Variants in ZNF512B observed in about 807,000 individuals in gnomAD.
ZNF512B encodes the protein zinc finger protein 512B.
A neutral mutation model predicts 87.8 loss-of-function variants in ZNF512B; 22 were observed. That is an observed-to-expected ratio of 0.25 (90% CI 0.18 to 0.36). The LOEUF is 0.36. Ranked by LOEUF, ZNF512B falls within the 10% of genes least tolerant of loss-of-function variation. ZNF512B has a pLI of 1.00. For missense variants in ZNF512B, 1,060 were observed against 1,231.6 expected (o/e 0.86, Z 2.09); for synonymous variants, 524 against 490.9 (o/e 1.07, Z -0.89).
In ZNF512B at chr20:63,966,682, C is replaced by T. The variant is rs2058932128; in HGVS notation, c.493G>A (p.Asp165Asn). The change falls in exon 5 of 17, where the codon GAC (aspartate) becomes AAC (asparagine). Residue 165 changes from aspartate (D) to asparagine (N), a missense_variant. Asp to Asn is a conservative substitution (Grantham distance 23, BLOSUM62 1). Transcript: ENST00000369888. ...LEKHRIWNHM[D>N]RPLPASKPGP... ...GGCTTGGAGGCAGGCAGGGGTCGGT[C>T]CATGTGGTTCCAGATCCGGTGTTTC... 3.1e-6 allele frequency: 5 copies of T among 1,612,584 alleles called. No homozygotes were observed. Among genetic ancestry groups the T allele is most frequent in the Non-Finnish European group, 4.2e-6 (5 of 1,179,764 alleles).
chr20:63,962,211 C>A, intron 14 of ZNF512B, 62 bp downstream of exon 14: 1 of 1,512,002 alleles, frequency 6.6e-7, no homozygotes, highest in South Asian at 1.2e-5. Flanking sequence ...GCTCAGAGGG[C>A]CACACCCAGG....
intron 1 of ZNF512B, 35 bp from the exon 2 acceptor site, chr20:63,967,987 G>C (rs576440103): frequency 6.3e-7 from 1 of 1,582,166 alleles, no homozygotes; most frequent in Admixed American, 1.7e-5. Context: ...GAAGCCTGAC[G>C]GGCCCCACTT....
In ZNF512B at chr20:63,957,889, C is replaced by CCTCCGG. The variant is rs1273775382; in HGVS notation, c.*1993_*1998dup. 1 of 152,046 alleles carries CCTCCGG rather than the reference C, an allele frequency of 6.6e-6. No individual in the cohort carries two copies. The highest frequency in any genetic ancestry group is 1.5e-5 in the Non-Finnish European group (1 of 68,088). The allele number at this position is 152,046 out of a possible 1,614,324, so 9.4% of individuals were successfully genotyped here. Reference sequence around the variant, plus strand: ...AGCAGCTGCCAGACCCCACCCTCCACCTCCGGCTCCTCCAGCTCCACCAGT... The same window carrying CCTCCGG: ...AGCAGCTGCCAGACCCCACCCTCCACCTCCGGCTCCGGCTCCTCCAGCTCCACCAGT... On this transcript the variant is annotated 3_prime_UTR_variant, in exon 17 of 17. Transcript: ENST00000369888.
At position 63,966,910 on chromosome 20, in the gene ZNF512B, T is replaced by C. The variant is rs931977703; in HGVS notation, c.359A>G (p.Tyr120Cys). 1.9e-6 allele frequency: 3 copies of C among 1,613,700 alleles called. No individual in the cohort carries two copies. Among genetic ancestry groups the C allele is most frequent in the Admixed American group, 1.7e-5 (1 of 60,000 alleles). Residue 120 changes from tyrosine to cysteine, a missense_variant, in exon 4 of 17, where the codon TAC (tyrosine) becomes TGC (cysteine). Physicochemically the swap from Tyr to Cys is radical, Grantham distance 194. Coordinates refer to ENST00000369888, the MANE Select transcript of ZNF512B (RefSeq NM_020713.3). The part of the protein sequence containing the change: ...SGCWLEFPSI[Y>C]GLKYHYQRCQ... ...CCGCTGGTAATGGTACTTGAGCCCG[T>C]AGATGCTGGGGAACTCCAGCCAGCA... is the stretch of plus-strand genomic sequence containing the variant.
At chr20:63,968,847 GTGC>G (rs1419137484) in intron 1 of ZNF512B, among the ~76,000 whole-genome samples, 2 of 152,266 alleles carry the variant, frequency 1.3e-5, no homozygotes, top group Non-Finnish European at 2.9e-5. Flanking sequence ...CCGAGGGCCT[GTGC>G]TGCTGGGAAC....
chr20:63,961,405 C>T lies in ZNF512B; in HGVS notation c.2331G>A (p.Gly777=). 1 of 1,611,494 alleles carries T rather than the reference C, an allele frequency of 6.2e-7. No individual in the cohort carries two copies. Among genetic ancestry groups the T allele is most frequent in the Non-Finnish European group, 8.5e-7 (1 of 1,179,906 alleles). ...LKAHLASCSK[G]AHLAGKYRCL... The stretch of plus-strand genomic sequence containing the variant: ...AGCGGTACTTCCCTGCCAGGTGGGC[C>T]CCCTGCAATGCATAGGCAGGCCAGT... The change falls in exon 16 of 17, where the codon GGG becomes GGA. Residue 777 remains glycine, a splice_region_variant and synonymous_variant. Transcript: ENST00000369888. This position sits in a 1 kb window ranked among gnomAD's most constrained non-coding sequence, Gnocchi z 6.4.
At chr20:63,969,530 G>A (rs1045455109) in intron 1 of ZNF512B, among the ~76,000 whole-genome samples, 35 of 150,378 alleles carry the variant, frequency 2.3e-4, no homozygotes, top group East Asian at 3.9e-4. Context: ...GTCACCTGGG[G>A]CCGGGAGCGG....
At position 63,963,891 on chromosome 20, in the gene ZNF512B, C is replaced by T. The variant is rs1216511397; in HGVS notation, c.1503G>A (p.Gln501=). Residue 501 remains glutamine, a synonymous_variant, in exon 9 of 17, where the codon CAG becomes CAA. Transcript: ENST00000369888. ...PAPGGPEEQW[Q]RAIHERGEAV... is the part of the protein sequence containing the mutation. ...CTTCCCCGCGCTCATGGATGGCCCT[C>T]TGCCACTGCTCTTCAGGGCCACCTG... 6.2e-6 allele frequency: 10 copies of T among 1,611,384 alleles called. No individual in the cohort carries two copies. The highest frequency in any genetic ancestry group is 4.0e-5 in the African/African-American group (3 of 74,958).
At chr20:63,969,203 A>G in intron 1 of ZNF512B, 1 of 985,088 alleles carries the variant, frequency 1.0e-6, no homozygotes, top group Non-Finnish European at 1.2e-6. Flanking sequence ...CCTGGGGTGC[A>G]GGTGCCTGCT....
chr20:63,966,805 G>C lies in ZNF512B; in HGVS notation c.394-24C>G, dbSNP rs1329706599. The C allele has an allele frequency of 4.4e-6, 7 of 1,604,442 alleles. No homozygotes were observed. In the African/African-American group the frequency reaches 6.7e-5, roughly 15 times the overall value. On this transcript the variant is annotated intron_variant, in intron 4 of 16. Transcript: ENST00000369888. Reference sequence around the variant, plus strand: ...CCCTGGGCAGGGAAGGGAAGGTTTGGGACAGGGCCCCAAGGGCCTCTGCCC... The same window carrying C: ...CCCTGGGCAGGGAAGGGAAGGTTTGCGACAGGGCCCCAAGGGCCTCTGCCC...
chr20:63,963,187 C>T lies in ZNF512B; in HGVS notation c.1876G>A (p.Asp626Asn). 1.3e-6 allele frequency: 2 copies of T among 1,547,848 alleles called. No homozygotes were observed. The highest frequency in any genetic ancestry group is 1.7e-6 in the Non-Finnish European group (2 of 1,151,358). Residue 626 changes from aspartate to asparagine, a missense_variant, in exon 12 of 17, where the codon GAC becomes AAC. This residue lies in a region of ZNF512B where 165 missense variants were observed against 173.0 expected (regional missense o/e 0.95). Coordinates refer to ENST00000369888, the MANE Select transcript of ZNF512B (RefSeq NM_020713.3). ...TGGGTGCAGGGGAAGGAGGGGCTGT[C>T]CACCTCGCAGGGCGGCTTCCCGCAG... ...RRCGKPPCEV[D>N]SPSFPCTHCG...
At chr20:63,963,767 C>A (rs764839173) in intron 9 of ZNF512B, 22 bp downstream of exon 9, 7 of 1,612,956 alleles carry the variant, frequency 4.3e-6, no homozygotes, top group Non-Finnish European at 5.9e-6. Context: ...TCCCTCCCAG[C>A]GCCTTCCGGG....
At position 63,967,447 on chromosome 20, in the gene ZNF512B, A is replaced by G; in HGVS notation, c.198T>C (p.Ser66=). 6.2e-7 allele frequency: 1 copy of G among 1,613,128 alleles called. No individual in the cohort carries two copies. Among genetic ancestry groups the G allele is most frequent in the Non-Finnish European group, 8.5e-7 (1 of 1,179,604 alleles). Residue 66 remains serine (S), a synonymous_variant, in exon 3 of 17, where the codon AGT becomes AGC. Coordinates refer to ENST00000369888, the MANE Select transcript of ZNF512B (RefSeq NM_020713.3). ...PLCFDPGSPA[S]DKTEGKKKGR... is the part of the protein sequence containing the mutation. ...CCTTTTTCTTCCCTTCTGTCTTGTC[A>G]CTGGCTGGACTTCCCGGGTCAAAGC...
chr20:63,968,182 T>C (rs1006248581), intron 1 of ZNF512B, among the ~76,000 whole-genome samples: 3 of 152,234 alleles, frequency 2.0e-5, no homozygotes, highest in African/African-American at 4.8e-5. Flanking sequence ...ATCAGTTTGA[T>C]AGGATCTAGT....
intron 10 of ZNF512B, 50 bp downstream of exon 10, chr20:63,963,568 G>A: frequency 6.2e-7 from 1 of 1,604,698 alleles, no homozygotes; most frequent in South Asian, 1.1e-5. Context: ...GTGAAGGTGG[G>A]GTGCGAGGTC....
intron 1 of ZNF512B, chr20:63,969,086 G>A: frequency 1.0e-6 from 1 of 983,978 alleles, no homozygotes; most frequent in Non-Finnish European, 1.2e-6. Flanking sequence ...ATTGCCAAGG[G>A]GGAGGCCAGT....
chr20:63,962,994 G>A (rs756596747), intron 12 of ZNF512B, 101 bp downstream of exon 12: 39 of 1,402,108 alleles, frequency 2.8e-5, no homozygotes, highest in Admixed American at 7.6e-5. Flanking sequence ...AAACACACGC[G>A]TTGGGCGGTA....
At chr20:63,962,048 C>T in intron 14 of ZNF512B, 44 bp from the exon 15 acceptor site, 1 of 1,542,800 alleles carries the variant, frequency 6.5e-7, no homozygotes, top group African/African-American at 1.4e-5. Context: ...GGTGGGCACC[C>T]CACACCAAGA....
chr20:63,961,467 C>T lies in ZNF512B; in HGVS notation c.2329-60G>A. The T allele has an allele frequency of 9.9e-6, 15 of 1,510,336 alleles. No individual in the cohort carries two copies. The highest frequency in any genetic ancestry group is 1.4e-5 in the Non-Finnish European group (15 of 1,096,082). 93.6% of individuals were successfully genotyped at this position (1,510,336 alleles called of 1,614,324 possible). A position where few individuals can be genotyped will look rare whatever the true frequency, so the allele number is the denominator to read the frequency against. ...TGGAGGACCCAGATCTGTCCTAAGC[C>T]CCTACTCATGGCTAAAGGGTCAGAG... On this transcript the variant is annotated intron_variant, in intron 15 of 16. Transcript: ENST00000369888. This position sits in a 1 kb window ranked among gnomAD's most constrained non-coding sequence, Gnocchi z 6.4.
Sources: allele counts gnomAD v4.1 joint callset (sites outside exome capture counted in the v4.1 genomes callset), GRCh38; gene constraint gnomAD v4.1.1; regional missense constraint gnomAD v4.1.1; non-coding constraint Gnocchi (gnomAD v3.1); transcripts MANE v1.5; gene names NCBI Gene and HGNC (gene_info 2026-07-23, HGNC 2026-07-21).